Variants in SH3PXD2A observed in about 807,000 individuals in gnomAD.
The protein encoded by SH3PXD2A is SH3 and PX domain-containing protein 2A.
In SH3PXD2A, 32 loss-of-function variants were observed where a neutral mutation model predicts 115.2. The observed-to-expected ratio is 0.28, with a 90% CI of 0.21 to 0.37. SH3PXD2A has a LOEUF of 0.37. Ranked by LOEUF, SH3PXD2A falls within the 10% of genes least tolerant of loss-of-function variation. The probability of loss-of-function intolerance (pLI) is 1.00; values close to 1 mark genes in which losing one functional copy is unlikely to be tolerated. For synonymous variants in SH3PXD2A, 610 were observed against 629.1 expected (o/e 0.97, Z 0.45); for missense variants, 1,328 against 1,498.7 (o/e 0.89, Z 1.88).
At chr10:103,817,049 C>T (rs1295939675) in intron 1 of SH3PXD2A, among the ~76,000 whole-genome samples, 2 of 146,764 alleles carry the variant, frequency 1.4e-5, no homozygotes, top group Admixed American at 6.9e-5. Flanking sequence ...GGGGTTTCAC[C>T]ATGTTGGCCA....
chr10:103,851,990 C>G (rs1438027077), intron 1 of SH3PXD2A, among the ~76,000 whole-genome samples: 1 of 152,248 alleles, frequency 6.6e-6, no homozygotes, highest in African/African-American at 2.4e-5. Flanking sequence ...GAATTCAAAT[C>G]TTTACTGAAA....
At chr10:103,622,630 TGGGGGTGGGAGGAA>T in intron 9 of SH3PXD2A, 77 bp from the exon 10 acceptor site, 1 of 481,382 alleles carries the variant, frequency 2.1e-6, no homozygotes, top group Non-Finnish European at 3.9e-6. Flanking sequence ...TGAGATGGGA[TGGGGGTGGGAGGAA>T]GGGGCACAGG....
chr10:103,759,833 G>A (rs953727766), intron 3 of SH3PXD2A, among the ~76,000 whole-genome samples: 3 of 152,310 alleles, frequency 2.0e-5, no homozygotes, highest in African/African-American at 7.2e-5. Flanking sequence ...AGAGGCTGGT[G>A]ACCCCGCCAC....
intron 3 of SH3PXD2A, chr10:103,755,527 G>C (rs2038630501): frequency 6.6e-6 from 1 of 152,298 alleles, no homozygotes; most frequent in African/African-American, 2.4e-5. Flanking sequence ...TGCCCCCTGA[G>C]TAGCTGGGAC....
intron 5 of SH3PXD2A, among the ~76,000 whole-genome samples, chr10:103,721,808 AGAAG>A (rs2038185660): frequency 6.6e-6 from 1 of 152,122 alleles, no homozygotes; most frequent in Non-Finnish European, 1.5e-5. Context: ...GCAAGGATGA[AGAAG>A]GAAGGGGCAG....
intron 1 of SH3PXD2A, among the ~76,000 whole-genome samples, chr10:103,853,200 G>A (rs1045783696): frequency 6.6e-6 from 1 of 152,200 alleles, no homozygotes; most frequent in Non-Finnish European, 1.5e-5. Context: ...ATCATTTCGA[G>A]GGAACTGGAC....
chr10:103,633,487 A>G (rs943276358), intron 8 of SH3PXD2A, among the ~76,000 whole-genome samples: 1 of 151,798 alleles, frequency 6.6e-6, no homozygotes, highest in Non-Finnish European at 1.5e-5. Context: ...GCACTTTGGA[A>G]GGCCGAGGCA....
In SH3PXD2A at chr10:103,795,155, C is replaced by G. The variant is rs2134256256; in HGVS notation, c.153+6127G>C. ...ACGGCCGCCACTGAGTACTTGTGAT[C>G]TAGCAAGTGCAACCAAGGAACTGAA... On this transcript the variant is annotated intron_variant, in intron 2 of 14. Coordinates refer to ENST00000369774, the MANE Select transcript of SH3PXD2A (RefSeq NM_001394015.1). Among the ~76,000 whole-genome samples the G allele has an allele frequency of 2.0e-5, 3 of 152,326 alleles. 1 individual carries two copies. The highest frequency in any genetic ancestry group is 2.0e-4 in the Admixed American group (3 of 15,308).
chr10:103,770,487 C>A (rs1374533437), intron 2 of SH3PXD2A, among the ~76,000 whole-genome samples: 2 of 152,326 alleles, frequency 1.3e-5, no homozygotes, highest in East Asian at 3.9e-4. Flanking sequence ...AGGTGTGAGC[C>A]ACTGTGCCCA....
chr10:103,761,933 G>C (rs918718768), intron 3 of SH3PXD2A, among the ~76,000 whole-genome samples: 2 of 150,974 alleles, frequency 1.3e-5, no homozygotes, highest in African/African-American at 2.4e-5. Context: ...TGGGGATAAA[G>C]CCACCTGCAG....
intron 4 of SH3PXD2A, among the ~76,000 whole-genome samples, chr10:103,732,865 G>A (rs1026216931): frequency 6.6e-6 from 1 of 152,196 alleles, no homozygotes; most frequent in African/African-American, 2.4e-5. Flanking sequence ...GACTGCACAC[G>A]GCACTGTGCT....
At chr10:103,771,660 C>T (rs907991293) in intron 2 of SH3PXD2A, among the ~76,000 whole-genome samples, 3 of 151,836 alleles carry the variant, frequency 2.0e-5, no homozygotes, top group Admixed American at 6.6e-5. Context: ...GCTTGAACCT[C>T]GGAGGCGGAA....
intron 2 of SH3PXD2A, among the ~76,000 whole-genome samples, chr10:103,771,207 C>A (rs916697305): frequency 3.3e-5 from 5 of 152,230 alleles, no homozygotes; most frequent in Admixed American, 6.5e-5. Flanking sequence ...CTATATCTCT[C>A]TGGGGCTTAA....
rs1399970224 is a variant in SH3PXD2A at position 103,596,128 on chromosome 10, AC to A, written c.*5687del. The A allele has an allele frequency of 1.3e-5, 2 of 152,184 alleles. No homozygotes were observed. Among genetic ancestry groups the A allele is most frequent in the African/African-American group, 2.4e-5 (1 of 41,426 alleles). The allele number at this position is 152,184 out of a possible 1,614,324, so 9.4% of individuals were successfully genotyped here. A position where few individuals can be genotyped will look rare whatever the true frequency, so the allele number is the denominator to read the frequency against. On this transcript the variant is annotated 3_prime_UTR_variant, in exon 15 of 15. Coordinates refer to ENST00000369774, the MANE Select transcript of SH3PXD2A (RefSeq NM_001394015.1). ...TGCACCTGCAGGTCTTGTTGGGTGC[AC>A]CGTGAGCAAGTTCTCACCCCAACCA...
intron 2 of SH3PXD2A, among the ~76,000 whole-genome samples, chr10:103,786,466 AC>A (rs2038982227): frequency 6.6e-6 from 1 of 152,064 alleles, no homozygotes; most frequent in Admixed American, 6.6e-5. Flanking sequence ...AGAGTTTGAG[AC>A]CAGTCCAGGC....
intron 6 of SH3PXD2A, 152 bp from the exon 7 acceptor site, chr10:103,668,804 G>C: frequency 1.4e-6 from 1 of 715,852 alleles, no homozygotes; most frequent in Non-Finnish European, 2.5e-6. Flanking sequence ...GTGATTTCCT[G>C]GCCCTGGGCT....
intron 6 of SH3PXD2A, among the ~76,000 whole-genome samples, chr10:103,682,368 A>G (rs2037622045): frequency 6.6e-6 from 1 of 152,236 alleles, no homozygotes; most frequent in African/African-American, 2.4e-5. Flanking sequence ...TGCCAAATCA[A>G]TCAGGCTCCT....
At chr10:103,785,790 GCTTCCACCTGCC>G (rs2038974935) in intron 2 of SH3PXD2A, among the ~76,000 whole-genome samples, 1 of 151,832 alleles carries the variant, frequency 6.6e-6, no homozygotes, top group Non-Finnish European at 1.5e-5. Flanking sequence ...ACCAGAGCAG[GCTTCCACCTGCC>G]CTTCTCCCAG....
At chr10:103,774,787 G>T (rs1201060236) in intron 2 of SH3PXD2A, among the ~76,000 whole-genome samples, 1 of 152,166 alleles carries the variant, frequency 6.6e-6, no homozygotes, top group Non-Finnish European at 1.5e-5. Context: ...CTAACTTGAT[G>T]TGACTCAACC....
Sources: gnomAD v4.1 joint callset for allele counts (sites outside exome capture counted in the v4.1 genomes callset) on GRCh38, gnomAD v4.1.1 for gene constraint, MANE v1.5 for transcripts, NCBI Gene and HGNC (gene_info 2026-07-23, HGNC 2026-07-21) for gene names.